The following PCDHGB3 variants were observed in gnomAD, a reference collection of about 807,000 sequenced individuals.
The protein encoded by PCDHGB3 is protocadherin gamma subfamily B, 3, also known as protocadherin gamma-B3.
In PCDHGB3, 40 loss-of-function variants were observed where a neutral mutation model predicts 59.2. That is an observed-to-expected ratio of 0.68 (90% CI 0.52 to 0.88). The LOEUF (loss-of-function observed/expected upper bound fraction) is 0.88. PCDHGB3 is among the 40% of genes least tolerant of loss of function. The pLI, the probability that PCDHGB3 is intolerant of heterozygous loss-of-function variation, is 0.00. For missense variants in PCDHGB3, 1,309 were observed against 1,187.9 expected (o/e 1.10, Z -1.50); for synonymous variants, 581 against 503.6 (o/e 1.15, Z -2.06).
chr5:141,399,349 C>A (rs1467940246), intron 1 of PCDHGB3: 15 of 1,613,814 alleles, frequency 9.3e-6, no homozygotes, highest in African/African-American at 1.3e-5. Flanking sequence ...AACCCTAGAC[C>A]GAGAGCAAAC....
intron 1 of PCDHGB3, chr5:141,387,968 G>C (rs1169859236): frequency 6.7e-7 from 1 of 1,489,402 alleles, no homozygotes; most frequent in Non-Finnish European, 9.0e-7. Context: ...TCTGCCCGGC[G>C]CTCTGTGAGC....
rs545943961 is a variant in PCDHGB3, at chr5:141,373,227, T to C, written c.2415+418T>C. On this transcript the variant is annotated intron_variant, in intron 1 of 3. Coordinates refer to ENST00000576222, the MANE Select transcript of PCDHGB3 (RefSeq NM_018924.5). ...ACACATTTTTAATGTAACCTGTATATAATATTTTTACTTCCCTTTGCATGT... is the reference window on the plus strand; with the variant it reads ...ACACATTTTTAATGTAACCTGTATACAATATTTTTACTTCCCTTTGCATGT... 9.8e-5 allele frequency among the ~76,000 whole-genome samples: 15 copies of C among 152,350 alleles called. No homozygotes were observed. In the East Asian group the frequency reaches 2.7e-3, roughly 27 times the overall value.
rs1453419469 is a variant in PCDHGB3, at chr5:141,505,501, G to A, written c.2563+20G>A. On this transcript the variant is annotated intron_variant, in intron 3 of 3. Transcript: ENST00000576222. ...CCAGTGGTAAGTGGTGTCAGTGTGT[G>A]TATGGAAGAGTGGGAGACCTGGGGT... The A allele has an allele frequency of 1.2e-6, 2 of 1,614,156 alleles. No homozygotes were observed. Among genetic ancestry groups the A allele is most frequent in the Non-Finnish European group, 1.7e-6 (2 of 1,179,970 alleles).
rs539372561 is a variant in PCDHGB3, at chr5:141,379,222, GT to G, written c.2415+6418del. On this transcript the variant is annotated intron_variant, in intron 1 of 3. Coordinates refer to ENST00000576222, the MANE Select transcript of PCDHGB3 (RefSeq NM_018924.5). ...AAATAAGCTGCTAAGAGTAATATGT[GT>G]TTTTCTGAACCAATATTGTGGTATT... 26 of 152,080 alleles carry G rather than the reference GT, an allele frequency of 1.7e-4. 1 individual carries two copies. The highest frequency in any genetic ancestry group is 3.1e-4 in the Non-Finnish European group (21 of 67,992). The allele number at this position is 152,080 out of a possible 1,614,324, so 9.4% of individuals were successfully genotyped here. A position where few individuals can be genotyped will look rare whatever the true frequency, so the allele number is the denominator to read the frequency against.
chr5:141,453,926 T>C (rs1274875429), intron 1 of PCDHGB3, among the ~76,000 whole-genome samples: 1 of 152,256 alleles, frequency 6.6e-6, no homozygotes, highest in Non-Finnish European at 1.5e-5. Flanking sequence ...GATCAGTCAC[T>C]GTGTGCCTAT....
intron 1 of PCDHGB3, among the ~76,000 whole-genome samples, chr5:141,430,247 G>T (rs1003479541): frequency 9.7e-6 from 1 of 102,928 alleles, no homozygotes; most frequent in Non-Finnish European, 1.8e-5. Flanking sequence ...AACTCCTAGG[G>T]AGACATCTCC....
At position 141,487,137 on chromosome 5, in the gene PCDHGB3, T is replaced by A. The variant is rs2154580779; in HGVS notation, c.2416-7670T>A. ...GTAAAGGATAGTGGTAGTCCACCAC[T>A]CTCTACCTCTGTTACTCTCTTAGTG... On this transcript the variant is annotated intron_variant, in intron 1 of 3. Coordinates refer to ENST00000576222, the MANE Select transcript of PCDHGB3 (RefSeq NM_018924.5). The surrounding 1 kb of genome is among the most constrained non-coding windows in gnomAD (Gnocchi z 5.0). 1.9e-6 allele frequency: 3 copies of A among 1,614,092 alleles called. No individual in the cohort carries two copies. The East Asian group carries it at 6.7e-5, about 36-fold the overall frequency.
chr5:141,423,035 C>T (rs1220219512), intron 1 of PCDHGB3: 2 of 1,614,214 alleles, frequency 1.2e-6, no homozygotes, highest in Admixed American at 3.3e-5. Flanking sequence ...GGCCAGAACG[C>T]CTGGCTGTCC....
intron 1 of PCDHGB3, chr5:141,374,156 G>A: frequency 6.2e-7 from 1 of 1,612,230 alleles, no homozygotes; most frequent in Non-Finnish European, 8.5e-7. Context: ...GACGCTGTGG[G>A]GGGCCGCGGC....
At chr5:141,413,177 T>G (rs2095610843) in intron 1 of PCDHGB3, 4 of 1,602,350 alleles carry the variant, frequency 2.5e-6, no homozygotes, top group Non-Finnish European at 3.4e-6. Flanking sequence ...CAGACTACAA[T>G]GGCCGCTCAA....
intron 1 of PCDHGB3, among the ~76,000 whole-genome samples, chr5:141,381,589 C>G (rs1777301144): frequency 6.6e-6 from 1 of 152,152 alleles, no homozygotes; most frequent in Admixed American, 6.5e-5. Context: ...ATCCATTATC[C>G]AGTTTCTTAT....
chr5:141,476,741 A>G lies in PCDHGB3; in HGVS notation c.2416-18066A>G, dbSNP rs1430298222. On this transcript the variant is annotated intron_variant, in intron 1 of 3. Transcript: ENST00000576222. The surrounding 1 kb of genome is among the most constrained non-coding windows in gnomAD (Gnocchi z 7.6). ...CGCCCTGGACCGAGAACGGGAGCCT[A>G]GTCTCCAGTTAGTGCTGACGGCGTT... The G allele has an allele frequency of 6.2e-7, 1 of 1,613,936 alleles. No individual in the cohort carries two copies. Among genetic ancestry groups the G allele is most frequent in the Non-Finnish European group, 8.5e-7 (1 of 1,180,032 alleles).
intron 1 of PCDHGB3, among the ~76,000 whole-genome samples, chr5:141,463,896 T>C (rs982611169): frequency 2.0e-5 from 3 of 152,192 alleles, no homozygotes; most frequent in African/African-American, 7.2e-5. Flanking sequence ...CCTTGCTTTT[T>C]GTACTAATAA....
chr5:141,397,298 T>C (rs140040192), intron 1 of PCDHGB3, among the ~76,000 whole-genome samples: 13 of 152,318 alleles, frequency 8.5e-5, no homozygotes, highest in African/African-American at 2.9e-4. Context: ...AATGAATATT[T>C]CCTGAAGTAG....
chr5:141,383,453 G>C lies in PCDHGB3; in HGVS notation c.2415+10644G>C, dbSNP rs116033027. 4.2e-4 allele frequency: 670 copies of C among 1,613,934 alleles called. 4 individuals are homozygous for C. The African/African-American group carries it at 7.6e-3, about 18-fold the overall frequency. The stretch of plus-strand genomic sequence containing the variant: ...CACTTCTCCCTGGCTGTGCAAAGTG[G>C]AGACGATGAAACTAAGTACCCGGAA... On this transcript the variant is annotated intron_variant, in intron 1 of 3. Coordinates refer to ENST00000576222, the MANE Select transcript of PCDHGB3 (RefSeq NM_018924.5).
chr5:141,394,557 G>A (rs372165481), intron 1 of PCDHGB3: 23 of 1,613,964 alleles, frequency 1.4e-5, no homozygotes, highest in South Asian at 4.4e-5. Context: ...GCCCCGCTCC[G>A]CAGAGCGTGG....
At position 141,431,245 on chromosome 5, in the gene PCDHGB3, C is replaced by T; in HGVS notation, c.2415+58436C>T. The T allele has an allele frequency of 1.2e-6, 2 of 1,614,134 alleles. No individual in the cohort carries two copies. The highest frequency in any genetic ancestry group is 1.7e-6 in the Non-Finnish European group (2 of 1,180,038). ...TACCCCACGCCTGGGATCCGGATATCGGGAAGAACTCTCTGCAGAGCTACG... is the reference window on the plus strand; with the variant it reads ...TACCCCACGCCTGGGATCCGGATATTGGGAAGAACTCTCTGCAGAGCTACG... On this transcript the variant is annotated intron_variant, in intron 1 of 3. Transcript: ENST00000576222. This position sits in a 1 kb window ranked among gnomAD's most constrained non-coding sequence, Gnocchi z 4.8.
intron 1 of PCDHGB3, among the ~76,000 whole-genome samples, chr5:141,450,467 T>G (rs997813636): frequency 1.3e-5 from 2 of 151,944 alleles, no homozygotes; most frequent in African/African-American, 2.4e-5. Flanking sequence ...ATTTTATATA[T>G]AGAGTTTGTT....
chr5:141,512,262 C>G lies in PCDHGB3; in HGVS notation c.*1089C>G, dbSNP rs925517361. On this transcript the variant is annotated 3_prime_UTR_variant, in exon 4 of 4. Transcript: ENST00000576222. ...GAGGGGCCTCTGTGGGTGCTGGGTA[C>G]TCCAGAGGTGCCACTGGTGGAAGGG... 1 of 152,712 alleles carries G rather than the reference C, an allele frequency of 6.5e-6. No homozygotes were observed. The highest frequency in any genetic ancestry group is 2.4e-5 in the African/African-American group (1 of 41,452). 9.5% of individuals were successfully genotyped at this position (152,712 alleles called of 1,614,324 possible).
Sources: allele counts gnomAD v4.1 joint callset (sites outside exome capture counted in the v4.1 genomes callset), GRCh38; gene constraint gnomAD v4.1.1; non-coding constraint Gnocchi (gnomAD v3.1); transcripts MANE v1.5; gene names NCBI Gene and HGNC (gene_info 2026-07-23, HGNC 2026-07-21).